Variants in PHACTR1 observed in about 807,000 individuals in gnomAD.
PHACTR1 encodes the protein RPEL repeat containing 1.
In PHACTR1, 16 loss-of-function variants were observed where a neutral mutation model predicts 69.2. The observed-to-expected ratio is 0.23, with a 90% CI of 0.16 to 0.35. The LOEUF (loss-of-function observed/expected upper bound fraction) is 0.35, where lower values mean the gene tolerates loss of function less well. PHACTR1 is among the 10% of genes least tolerant of loss of function. The pLI is 1.00. For synonymous variants in PHACTR1, 312 were observed against 284.5 expected (o/e 1.10, Z -0.97); for missense variants, 510 against 734.7 (o/e 0.69, Z 3.54).
At chr6:13,036,780 TG>T (rs1803374972) in intron 4 of PHACTR1, among the ~76,000 whole-genome samples, 1 of 152,234 alleles carries the variant, frequency 6.6e-6, no homozygotes, top group Non-Finnish European at 1.5e-5. Context: ...TGGCTCTGCC[TG>T]TAAGTAAATA....
chr6:12,866,587 C>T (rs188435296), intron 4 of PHACTR1, among the ~76,000 whole-genome samples: 29 of 152,272 alleles, frequency 1.9e-4, no homozygotes, highest in African/African-American at 6.3e-4. Flanking sequence ...TTCTTTCCTC[C>T]CACACACATG....
At position 13,227,827 on chromosome 6, in the gene PHACTR1, G is replaced by A. The variant is rs777111056; in HGVS notation, c.998G>A (p.Arg333Gln). 3.1e-6 allele frequency: 5 copies of A among 1,613,606 alleles called. No homozygotes were observed. The highest frequency in any genetic ancestry group is 2.5e-6 in the Non-Finnish European group (3 of 1,179,700). Residue 333 changes from arginine (R) to glutamine (Q), a missense_variant, in exon 9 of 15, where the codon CGG (arginine) becomes CAG (glutamine). Physicochemically the swap from Arg to Gln is conservative, Grantham distance 43 (BLOSUM62 1). Coordinates refer to ENST00000332995, the MANE Select transcript of PHACTR1 (RefSeq NM_030948.6). ...TTGTCTTTAAACAGCTCTGAGCAGCGGGTCCCCTGTTCCACTTCTTACCAC... is the reference window on the plus strand; with the variant it reads ...TTGTCTTTAAACAGCTCTGAGCAGCAGGTCCCCTGTTCCACTTCTTACCAC... ...TMQRLESSEQ[R>Q]VPCSTSYHSS...
intron 4 of PHACTR1, among the ~76,000 whole-genome samples, chr6:13,042,720 T>C (rs1008660996): frequency 5.9e-5 from 9 of 152,224 alleles, no homozygotes; most frequent in African/African-American, 1.9e-4. Flanking sequence ...GGAACGCTTA[T>C]TAGCCAGGTG....
At chr6:13,223,153 C>T (rs189958540) in intron 8 of PHACTR1, among the ~76,000 whole-genome samples, 1 of 151,970 alleles carries the variant, frequency 6.6e-6, no homozygotes, top group African/African-American at 2.4e-5. Flanking sequence ...TAAAAAATAC[C>T]GTACTGACTT....
At chr6:12,805,793 G>T (rs1354949981) in intron 4 of PHACTR1, among the ~76,000 whole-genome samples, 7 of 152,010 alleles carry the variant, frequency 4.6e-5, no homozygotes, top group Admixed American at 3.3e-4. Context: ...TAGGGACAGG[G>T]TTTCACCACA....
At chr6:12,881,959 G>T (rs535721963) in intron 4 of PHACTR1, among the ~76,000 whole-genome samples, 2 of 152,126 alleles carry the variant, frequency 1.3e-5, no homozygotes, top group Non-Finnish European at 2.9e-5. Context: ...ATGAACCAGG[G>T]TACAGAAGTG....
chr6:13,084,095 T>C (rs1811868561), intron 5 of PHACTR1, among the ~76,000 whole-genome samples: 1 of 151,964 alleles, frequency 6.6e-6, no homozygotes. Flanking sequence ...TGCGGCACTA[T>C]TCACAATAGC....
At chr6:13,101,270 A>G (rs1037551631) in intron 5 of PHACTR1, among the ~76,000 whole-genome samples, 32 of 152,382 alleles carry the variant, frequency 2.1e-4, no homozygotes, top group African/African-American at 6.5e-4. Flanking sequence ...ACTCACTTCT[A>G]TAACAGTCCA....
At chr6:13,266,586 C>T (rs1286326174) in intron 10 of PHACTR1, 1 of 152,660 alleles carries the variant, frequency 6.6e-6, no homozygotes, top group Non-Finnish European at 1.5e-5. Flanking sequence ...GCAGGCTGCA[C>T]AGGAAGCATG....
intron 4 of PHACTR1, among the ~76,000 whole-genome samples, chr6:12,814,508 C>G (rs1007968763): frequency 1.3e-5 from 2 of 152,240 alleles, no homozygotes; most frequent in Non-Finnish European, 2.9e-5. Flanking sequence ...AGCCAGTCTG[C>G]TCTTCTTGCA....
chr6:12,835,932 G>T (rs764701691), intron 4 of PHACTR1, among the ~76,000 whole-genome samples: 1 of 151,980 alleles, frequency 6.6e-6, no homozygotes, highest in South Asian at 2.1e-4. Flanking sequence ...TTGAATAGCT[G>T]CAAAGCACAA....
chr6:13,120,282 TC>T (rs1818502707), intron 5 of PHACTR1, among the ~76,000 whole-genome samples: 1 of 152,112 alleles, frequency 6.6e-6, no homozygotes, highest in African/African-American at 2.4e-5. Flanking sequence ...CCTTTTTTTT[TC>T]CTGGAGAAAA....
At chr6:12,847,955 C>A (rs774061830) in intron 4 of PHACTR1, among the ~76,000 whole-genome samples, 7 of 152,100 alleles carry the variant, frequency 4.6e-5, no homozygotes, top group Non-Finnish European at 8.8e-5. Flanking sequence ...GGTATATTAT[C>A]TTTTATTTGA....
chr6:12,770,593 G>A (rs935135839), intron 4 of PHACTR1, among the ~76,000 whole-genome samples: 1 of 152,184 alleles, frequency 6.6e-6, no homozygotes, highest in African/African-American at 2.4e-5. Flanking sequence ...AACTCATTTG[G>A]CATTTAAGTC....
chr6:13,176,094 A>G (rs747542437), intron 6 of PHACTR1, among the ~76,000 whole-genome samples: 2 of 152,336 alleles, frequency 1.3e-5, no homozygotes, highest in South Asian at 2.1e-4. Context: ...CTCCATGTAG[A>G]AACCAGAGGA....
chr6:12,721,059 A>G (rs913468322), intron 3 of PHACTR1, among the ~76,000 whole-genome samples: 3 of 152,214 alleles, frequency 2.0e-5, no homozygotes, highest in Non-Finnish European at 4.4e-5. Flanking sequence ...ATAAAGTAAA[A>G]ATCCCAGCAA....
intron 5 of PHACTR1, among the ~76,000 whole-genome samples, chr6:13,056,520 T>C (rs900763249): frequency 2.0e-5 from 3 of 152,224 alleles, no homozygotes; most frequent in African/African-American, 7.2e-5. Flanking sequence ...AGTATACCTA[T>C]CTTTGTCTTG....
At chr6:13,219,376 A>T (rs1768241343) in intron 8 of PHACTR1, among the ~76,000 whole-genome samples, 1 of 152,148 alleles carries the variant, frequency 6.6e-6, no homozygotes, top group Non-Finnish European at 1.5e-5. Context: ...TGAATGTGTA[A>T]TGTGATGTCG....
At chr6:12,730,986 T>TTTA (rs1763435511) in intron 3 of PHACTR1, among the ~76,000 whole-genome samples, 63 of 137,996 alleles carry the variant, frequency 4.6e-4, no homozygotes, top group Middle Eastern at 3.6e-3. Flanking sequence ...ATATTACCTT[T>TTTA]TTTATTTATT....
Sources: allele counts gnomAD v4.1 joint callset (sites outside exome capture counted in the v4.1 genomes callset), GRCh38; gene constraint gnomAD v4.1.1; transcripts MANE v1.5; gene names NCBI Gene and HGNC (gene_info 2026-07-23, HGNC 2026-07-21).